GRID1: variants seen among roughly 807,000 people sequenced by gnomAD.
GRID1 encodes glutamate receptor ionotropic, delta-1.
A neutral mutation model predicts 98.0 loss-of-function variants in GRID1; 28 were observed. The ratio of observed to expected loss-of-function variants is 0.29; its 90% CI spans 0.21 to 0.39. The LOEUF is 0.39. Ranked by LOEUF, GRID1 falls within the 10% of genes least tolerant of loss-of-function variation. The pLI, the probability that GRID1 is intolerant of heterozygous loss-of-function variation, is 1.00. For synonymous variants in GRID1, 553 were observed against 538.5 expected (o/e 1.03, Z -0.37); for missense variants, 1,111 against 1,340.5 (o/e 0.83, Z 2.67).
intron 4 of GRID1, among the ~76,000 whole-genome samples, chr10:86,100,443 G>C (rs1278747479): frequency 6.6e-6 from 1 of 152,028 alleles, no homozygotes; most frequent in African/African-American, 2.4e-5. Context: ...CTTGTGCTCT[G>C]GTGAAACTTA....
chr10:86,096,085 T>C (rs921067505), intron 4 of GRID1, among the ~76,000 whole-genome samples: 6 of 152,164 alleles, frequency 3.9e-5, no homozygotes, highest in African/African-American at 9.7e-5. Context: ...TTCTAAGTGA[T>C]GTAATTCAGA....
At chr10:85,942,308 T>C (rs908458205) in intron 4 of GRID1, among the ~76,000 whole-genome samples, 1 of 152,110 alleles carries the variant, frequency 6.6e-6, no homozygotes, top group Non-Finnish European at 1.5e-5. Context: ...CCCTGCCAAT[T>C]TCTAATCTTC....
chr10:85,763,508 T>C (rs1012713050), intron 8 of GRID1, among the ~76,000 whole-genome samples: 21 of 152,220 alleles, frequency 1.4e-4, no homozygotes, highest in African/African-American at 4.8e-4. Context: ...CCAAATCCTA[T>C]GTTGATTTCT....
At chr10:86,230,123 G>A (rs879602212) in intron 2 of GRID1, among the ~76,000 whole-genome samples, 2 of 152,178 alleles carry the variant, frequency 1.3e-5, no homozygotes, top group Non-Finnish European at 1.5e-5. Context: ...ATGGTGACCA[G>A]CCAGCCTCAA....
At chr10:85,927,832 G>T (rs1841797164) in intron 4 of GRID1, among the ~76,000 whole-genome samples, 1 of 152,204 alleles carries the variant, frequency 6.6e-6, no homozygotes, top group Non-Finnish European at 1.5e-5. Flanking sequence ...GGCCAGCCTG[G>T]CCATGTGGAG....
chr10:86,035,588 A>G (rs1446483681), intron 4 of GRID1, among the ~76,000 whole-genome samples: 1 of 152,138 alleles, frequency 6.6e-6, no homozygotes, highest in Non-Finnish European at 1.5e-5. Context: ...AGGTCTATGA[A>G]GGGTTCCCAG....
chr10:86,289,932 G>T (rs943741474), intron 2 of GRID1, among the ~76,000 whole-genome samples: 2 of 152,180 alleles, frequency 1.3e-5, no homozygotes, highest in African/African-American at 4.8e-5. Flanking sequence ...TTGTCATTGG[G>T]TGGGAAGGAC....
chr10:86,121,317 T>A (rs1222696265), intron 4 of GRID1, among the ~76,000 whole-genome samples: 2 of 151,896 alleles, frequency 1.3e-5, no homozygotes, highest in African/African-American at 4.8e-5. Flanking sequence ...ATCACCATCA[T>A]CACCACATCA....
At chr10:86,152,853 C>T (rs1284169839) in intron 3 of GRID1, among the ~76,000 whole-genome samples, 1 of 152,350 alleles carries the variant, frequency 6.6e-6, no homozygotes, top group Non-Finnish European at 1.5e-5. Flanking sequence ...CCAGCCCTGA[C>T]AGGGAGGCTT....
At chr10:86,024,756 A>G (rs911672355) in intron 4 of GRID1, among the ~76,000 whole-genome samples, 5 of 152,098 alleles carry the variant, frequency 3.3e-5, no homozygotes, top group African/African-American at 1.2e-4. Context: ...CCCTGCCCCT[A>G]GTGGTTTCCT....
Position 86,093,254 on chromosome 10 carries a change from G to A in GRID1, c.726+45565C>T, listed in dbSNP as rs376370768. ...GGCGGTGCTAAGAGGAAAGTTCATA[G>A]CCCTTAATGCCTACATCAAAAAGTC... is the stretch of plus-strand genomic sequence containing the variant. On this transcript the variant is annotated intron_variant, in intron 4 of 15. Transcript: ENST00000327946. 9.9e-5 allele frequency among the ~76,000 whole-genome samples: 15 copies of A among 152,162 alleles called. No individual in the cohort carries two copies. The South Asian group carries it at 2.9e-3, about 29-fold the overall frequency.
chr10:85,992,700 G>A (rs955030561), intron 4 of GRID1, among the ~76,000 whole-genome samples: 8 of 152,122 alleles, frequency 5.3e-5, no homozygotes, highest in Non-Finnish European at 8.8e-5. Flanking sequence ...TTGTAATTCT[G>A]GTGCTTTGGG....
At chr10:86,336,417 G>A (rs749006584) in intron 2 of GRID1, among the ~76,000 whole-genome samples, 1 of 152,180 alleles carries the variant, frequency 6.6e-6, no homozygotes, top group Non-Finnish European at 1.5e-5. Context: ...CTCTAAGGAT[G>A]TCAGTGCTCC....
At position 85,820,051 on chromosome 10, in the gene GRID1, CAGGCAGGCAGGCAGGCAGGAAGGCAGGT is replaced by C. The variant is rs1360351845; in HGVS notation, c.1233+34417_1233+34444del. Among the ~76,000 whole-genome samples, 478 of 97,670 alleles carry C rather than the reference CAGGCAGGCAGGCAGGCAGGAAGGCAGGT, an allele frequency of 4.9e-3. 4 individuals carry two copies. The highest frequency in any genetic ancestry group is 0.011 in the Middle Eastern group (2 of 182). 64.1% of individuals were successfully genotyped at this position (97,670 alleles called of 152,430 possible). A position where few individuals can be genotyped will look rare whatever the true frequency, so the allele number is the denominator to read the frequency against. ...GAAGGCAGGCAGGCAGGCAGGCAGG[CAGGCAGGCAGGCAGGCAGGAAGGCAGGT>C]AGGCAGGCAGGCAGGCAGGAAGGAA... On this transcript the variant is annotated intron_variant, in intron 8 of 15. Coordinates refer to ENST00000327946, the MANE Select transcript of GRID1 (RefSeq NM_017551.3).
intron 4 of GRID1, among the ~76,000 whole-genome samples, chr10:85,921,156 CAT>C (rs1841698057): frequency 6.6e-6 from 1 of 152,230 alleles, no homozygotes; most frequent in Non-Finnish European, 1.5e-5. Flanking sequence ...GGTACTGGCA[CAT>C]GAGACAGCTG....
chr10:86,341,970 G>T (rs1470141580), intron 2 of GRID1, among the ~76,000 whole-genome samples: 1 of 152,178 alleles, frequency 6.6e-6, no homozygotes, highest in Non-Finnish European at 1.5e-5. Context: ...AATTCTAGAA[G>T]TTCTATCGTG....
At chr10:86,120,144 A>G (rs762681293) in intron 4 of GRID1, among the ~76,000 whole-genome samples, 1 of 152,118 alleles carries the variant, frequency 6.6e-6, no homozygotes, top group Non-Finnish European at 1.5e-5. Context: ...AGCATGGCAT[A>G]TAGAGTCCTT....
At chr10:85,698,505 T>A (rs1841417898) in intron 12 of GRID1, among the ~76,000 whole-genome samples, 1 of 151,982 alleles carries the variant, frequency 6.6e-6, no homozygotes, top group African/African-American at 2.4e-5. Context: ...TTTTTTTTCT[T>A]TTTAGCACTG....
chr10:85,634,632 G>T (rs1329113641), intron 13 of GRID1, among the ~76,000 whole-genome samples: 1 of 152,110 alleles, frequency 6.6e-6, no homozygotes, highest in Admixed American at 6.5e-5. Flanking sequence ...AAGATAAAGT[G>T]CATAAGCACA....
Sources: gnomAD v4.1 joint callset for allele counts (sites outside exome capture counted in the v4.1 genomes callset) on GRCh38, gnomAD v4.1.1 for gene constraint, MANE v1.5 for transcripts, NCBI Gene and HGNC (gene_info 2026-07-23, HGNC 2026-07-21) for gene names.